CELF2: variants seen among roughly 807,000 people sequenced by gnomAD.
CELF2 encodes the protein CUG triplet repeat RNA-binding protein 2.
A neutral mutation model predicts 62.6 loss-of-function variants in CELF2; 8 were observed. The ratio of observed to expected loss-of-function variants is 0.13; its 90% CI spans 0.07 to 0.23. CELF2 has a LOEUF of 0.23. CELF2 is among the 10% of genes least tolerant of loss of function. CELF2 has a pLI of 1.00. For synonymous variants in CELF2, 258 were observed against 250.0 expected, an observed-to-expected ratio of 1.03 and a Z score of -0.30; for missense variants, 333 against 671.0, an observed-to-expected ratio of 0.50 and a Z score of 5.56.
At chr10:10,520,713 A>G in the CELF2 span, among the ~76,000 whole-genome samples, 1 of 152,270 alleles carries the variant, frequency 6.6e-6, no homozygotes, top group South Asian at 2.1e-4. Context: ...TTTCACAAAT[A>G]CATTAGGAAC....
Position 11,329,157 on chromosome 10 carries a change from CT to C in CELF2, c.*108del. ...AGGCAGAGGAGGACCACATTGCCAACTTTTACCAAGAGAGACGGTTATTTTT... is the reference window on the plus strand; with the variant it reads ...AGGCAGAGGAGGACCACATTGCCAACTTTACCAAGAGAGACGGTTATTTTT... On this transcript the variant is annotated 3_prime_UTR_variant, in exon 13 of 13. Transcript: ENST00000633077. This position sits in a 1 kb window ranked among gnomAD's most constrained non-coding sequence, Gnocchi z 5.5. The C allele has an allele frequency of 8.0e-7, 1 of 1,248,216 alleles. No homozygotes were observed. The highest frequency in any genetic ancestry group is 1.1e-6 in the Non-Finnish European group (1 of 915,586). The allele number at this position is 1,248,216 out of a possible 1,614,324, so 77.3% of individuals were successfully genotyped here.
chr10:10,867,126 A>G (rs1003628769), intron 1 of CELF2, among the ~76,000 whole-genome samples: 29 of 152,160 alleles, frequency 1.9e-4, no homozygotes, highest in Admixed American at 2.0e-4. Flanking sequence ...TCTGGGAAAC[A>G]AAGGCTCTGA....
At chr10:11,108,333 G>A (rs1282411760) in intron 1 of CELF2, among the ~76,000 whole-genome samples, 1 of 144,312 alleles carries the variant, frequency 6.9e-6, no homozygotes, top group Non-Finnish European at 1.5e-5. Flanking sequence ...ATGGGATTGT[G>A]GATTCTGGTT....
At chr10:10,617,953 C>T in the CELF2 span, among the ~76,000 whole-genome samples, 1 of 152,054 alleles carries the variant, frequency 6.6e-6, no homozygotes, top group Non-Finnish European at 1.5e-5. Context: ...AATCCCCCGG[C>T]CGTAACTCTT....
intron 1 of CELF2, among the ~76,000 whole-genome samples, chr10:10,878,755 C>T (rs1018793128): frequency 1.3e-4 from 19 of 151,892 alleles, no homozygotes; most frequent in South Asian, 6.2e-4. Flanking sequence ...TAATTGTTTA[C>T]GACGAAAACA....
the CELF2 span, among the ~76,000 whole-genome samples, chr10:10,555,426 T>C: frequency 6.6e-6 from 1 of 152,222 alleles, no homozygotes; most frequent in Admixed American, 6.5e-5. Flanking sequence ...CTACACATCA[T>C]TGGTAAAAAC....
intron 1 of CELF2, among the ~76,000 whole-genome samples, chr10:11,154,932 C>G (rs746901399): frequency 8.5e-5 from 13 of 152,162 alleles, no homozygotes; most frequent in African/African-American, 3.1e-4. Context: ...TCAGCATTAA[C>G]CCAAACAAAG....
In CELF2 at chr10:11,207,843, C is replaced by T. The variant is rs1364957439; in HGVS notation, c.272-9582C>T. 3.3e-5 allele frequency among the ~76,000 whole-genome samples: 5 copies of T among 152,032 alleles called. No individual in the cohort carries two copies. Among genetic ancestry groups the T allele is most frequent in the African/African-American group, 9.7e-5 (4 of 41,382 alleles). The stretch of plus-strand genomic sequence containing the variant: ...GTAGATTTCTACAGGATGAGGCGTT[C>T]GTATTTGGGTAGCTGCTACTCTAGC... On this transcript the variant is annotated intron_variant, in intron 2 of 12. Transcript: ENST00000633077. This position sits in a 1 kb window ranked among gnomAD's most constrained non-coding sequence, Gnocchi z 4.1.
At chr10:11,230,283 C>G (rs1023134595) in intron 3 of CELF2, among the ~76,000 whole-genome samples, 3 of 151,758 alleles carry the variant, frequency 2.0e-5, no homozygotes, top group African/African-American at 7.3e-5. Context: ...GAACATCACT[C>G]TGAAAAAATT....
At chr10:10,718,753 C>T in the CELF2 span, among the ~76,000 whole-genome samples, 1 of 152,024 alleles carries the variant, frequency 6.6e-6, no homozygotes, top group Non-Finnish European at 1.5e-5. Flanking sequence ...GTCCTCATCA[C>T]ACCCAGGGAA....
chr10:10,695,624 C>G, the CELF2 span, among the ~76,000 whole-genome samples: 1 of 151,946 alleles, frequency 6.6e-6, no homozygotes, highest in Non-Finnish European at 1.5e-5. Flanking sequence ...TTCCATTCTC[C>G]CAATCACTTT....
chr10:10,781,808 C>A, the CELF2 span, among the ~76,000 whole-genome samples: 95 of 152,230 alleles, frequency 6.2e-4, no homozygotes, highest in African/African-American at 2.2e-3. Flanking sequence ...AGAACATATC[C>A]CCATTGTTAA....
At chr10:10,800,410 G>A (rs1370507685) in intron 1 of CELF2, among the ~76,000 whole-genome samples, 1 of 152,012 alleles carries the variant, frequency 6.6e-6, no homozygotes, top group Admixed American at 6.6e-5. Context: ...GGAGTGCAGT[G>A]GCATGATCTC....
chr10:10,753,513 G>A, the CELF2 span, among the ~76,000 whole-genome samples: 1 of 152,158 alleles, frequency 6.6e-6, no homozygotes, highest in Non-Finnish European at 1.5e-5. Flanking sequence ...TTGCGGATAC[G>A]AATGGTGTCA....
At position 11,165,654 on chromosome 10, in the gene CELF2, C is replaced by G. The variant is rs933880420; in HGVS notation, c.243C>G (p.Asp81Glu). 1.2e-6 allele frequency: 2 copies of G among 1,614,026 alleles called. No homozygotes were observed. Among genetic ancestry groups the G allele is most frequent in the Non-Finnish European group, 1.7e-6 (2 of 1,179,952 alleles). ...GAVYQINVLR[D>E]RSQNPPQSKG... ...TCTACCAGATCAACGTCCTCCGGGACCGGAGTCAGAACCCTCCGCAGAGTA... is the reference window on the plus strand; with the variant it reads ...TCTACCAGATCAACGTCCTCCGGGAGCGGAGTCAGAACCCTCCGCAGAGTA... The change falls in exon 2 of 13, where the codon GAC becomes GAG. Residue 81 changes from aspartate (D) to glutamate (E), a missense_variant. Asp to Glu is a conservative substitution (Grantham distance 45). Transcript: ENST00000633077. This position sits in a 1 kb window ranked among gnomAD's most constrained non-coding sequence, Gnocchi z 7.4.
chr10:11,057,702 G>A (rs1005738938), intron 1 of CELF2, among the ~76,000 whole-genome samples: 6 of 152,140 alleles, frequency 3.9e-5, no homozygotes, highest in Admixed American at 1.3e-4. Flanking sequence ...AGGATGTAAC[G>A]TGGGGATGGT....
chr10:11,316,023 C>G lies in CELF2; in HGVS notation c.1096+1765C>G, dbSNP rs538040804. Among the ~76,000 whole-genome samples the G allele has an allele frequency of 6.6e-6, 1 of 152,212 alleles. No homozygotes were observed. The highest frequency in any genetic ancestry group is 1.5e-5 in the Non-Finnish European group (1 of 68,046). On this transcript the variant is annotated intron_variant, in intron 10 of 12. Coordinates refer to ENST00000633077, the MANE Select transcript of CELF2 (RefSeq NM_001326342.2). The surrounding 1 kb of genome is among the most constrained non-coding windows in gnomAD (Gnocchi z 4.4). ...TGTGTGTGTCCTCTCGTCTGCGTCC[C>G]GCCCTGTCCACGCTGCTCTGCTCTG...
At chr10:11,250,171 T>C (rs2076720469) in intron 4 of CELF2, among the ~76,000 whole-genome samples, 1 of 152,178 alleles carries the variant, frequency 6.6e-6, no homozygotes, top group Non-Finnish European at 1.5e-5. Context: ...AAATTCCAAG[T>C]CATAGCATGG....
chr10:10,952,428 G>A (rs929577283), intron 2 of CELF2, among the ~76,000 whole-genome samples: 6 of 152,194 alleles, frequency 3.9e-5, no homozygotes, highest in African/African-American at 1.2e-4. Context: ...GGTGGAGGAG[G>A]AAATTATGAA....
Sources: allele counts gnomAD v4.1 joint callset (sites outside exome capture counted in the v4.1 genomes callset), GRCh38; gene constraint gnomAD v4.1.1; non-coding constraint Gnocchi (gnomAD v3.1); transcripts MANE v1.5; gene names NCBI Gene and HGNC (gene_info 2026-07-23, HGNC 2026-07-21).